The following GTF2F1 variants were observed in gnomAD, a reference collection of about 807,000 sequenced individuals.
GTF2F1 encodes the protein general transcription factor IIF subunit 1.
GTF2F1 carries 39 observed loss-of-function variants against 63.5 expected under a neutral mutation model. The ratio of observed to expected loss-of-function variants is 0.61; its 90% CI spans 0.48 to 0.80. The LOEUF is 0.80. Among genes scored for constraint, GTF2F1 ranks in the 30% least tolerant of loss-of-function variants. The probability of loss-of-function intolerance (pLI) is 0.00; values close to 1 mark genes in which losing one functional copy is unlikely to be tolerated. For missense variants in GTF2F1, 657 were observed against 718.3 expected, an observed-to-expected ratio of 0.91 and a Z score of 0.97; for synonymous variants, 287 against 285.3, an observed-to-expected ratio of 1.01 and a Z score of -0.06.
chr19:6,391,861 T>C (rs904391157), intron 3 of GTF2F1, 41 bp downstream of exon 3: 8 of 1,129,598 alleles, frequency 7.1e-6, no homozygotes, highest in Non-Finnish European at 9.1e-6. Flanking sequence ...TCAAGTTCTC[T>C]CACCACCCCA....
chr19:6,389,597 T>C lies in GTF2F1; in HGVS notation c.173A>G (p.Gln58Arg). 2 of 1,614,150 alleles carry C rather than the reference T, an allele frequency of 1.2e-6. No individual in the cohort carries two copies. ...ERDLSNKKIY[Q>R]EEEMPESGAG... ...GCCCGATTCGGGCATCTCCTCCTCTTGGTAGATTTTCTTGTTGCTCAAGTC... is the reference window on the plus strand; with the variant it reads ...GCCCGATTCGGGCATCTCCTCCTCTCGGTAGATTTTCTTGTTGCTCAAGTC... Residue 58 changes from glutamine (Q) to arginine (R), a missense_variant, in exon 4 of 13, where the codon CAA (glutamine) becomes CGA (arginine). By Grantham distance (43) the Gln-to-Arg change is conservative. Coordinates refer to ENST00000394456, the MANE Select transcript of GTF2F1 (RefSeq NM_002096.3).
Position 6,380,193 on chromosome 19 carries a change from T to C in GTF2F1, c.*88A>G, listed in dbSNP as rs138224011. The C allele has an allele frequency of 2.2e-4, 240 of 1,088,250 alleles. 1 individual carries two copies. The African/African-American group carries it at 3.3e-3, about 15-fold the overall frequency. The allele number at this position is 1,088,250 out of a possible 1,614,324, so 67.4% of individuals were successfully genotyped here. On this transcript the variant is annotated 3_prime_UTR_variant, in exon 13 of 13. Coordinates refer to ENST00000394456, the MANE Select transcript of GTF2F1 (RefSeq NM_002096.3). This position sits in a 1 kb window ranked among gnomAD's most constrained non-coding sequence, Gnocchi z 5.3. ...CCTGAAGTTCTGGAGGGCAGAGCCA[T>C]GTATTGGACAGAGCCTCACTCTAGG...
rs576535549 is a variant in GTF2F1 at position 6,387,270 on chromosome 19, G to A, written c.497+119C>T. On this transcript the variant is annotated intron_variant, in intron 5 of 12. Coordinates refer to ENST00000394456, the MANE Select transcript of GTF2F1 (RefSeq NM_002096.3). ...ACTGACAGCTCTGAGACGGCCGAGT[G>A]GGGTCTGCCCTGGTTACCCCTGAGT... 92 of 922,338 alleles carry A rather than the reference G, an allele frequency of 1.0e-4. No homozygotes were observed. The African/African-American group carries it at 1.3e-3, about 13-fold the overall frequency. 57.1% of individuals were successfully genotyped at this position (922,338 alleles called of 1,614,324 possible).
In GTF2F1 at chr19:6,387,412, C is replaced by T. The variant is rs769352060; in HGVS notation, c.474G>A (p.Glu158=). 1.2e-6 allele frequency: 2 copies of T among 1,614,118 alleles called. No homozygotes were observed. The highest frequency in any genetic ancestry group is 1.3e-5 in the African/African-American group (1 of 74,958). ...ACCTCTCCCACTCCTCCTCGGCCTC[C>T]TCGGCAGTGAGCGTGCGATGCCGGG... ...PLARHRTLTA[E]EAEEEWERRN... The change falls in exon 5 of 13, where the codon GAG becomes GAA. Residue 158 remains glutamate, a synonymous_variant. Transcript: ENST00000394456.
In GTF2F1 at chr19:6,389,439, C is replaced by T. The variant is rs2091987474; in HGVS notation, c.326+5G>A. 6.2e-7 allele frequency: 1 copy of T among 1,612,724 alleles called. No individual in the cohort carries two copies. The highest frequency in any genetic ancestry group is 1.7e-5 in the Admixed American group (1 of 59,974). ...AGCCGGCACCGCCACCGCCCCACCA[C>T]TTACTTCCTGCCTGATTTGCCGTTG... On this transcript the variant is annotated splice_donor_5th_base_variant and intron_variant, in intron 4 of 12. Transcript: ENST00000394456.
At position 6,387,532 on chromosome 19, in the gene GTF2F1, T is replaced by TA. The variant is rs771818350; in HGVS notation, c.353dup (p.Thr119AsnfsTer73). 2.7e-5 allele frequency: 43 copies of TA among 1,614,092 alleles called. No individual in the cohort carries two copies. The highest frequency in any genetic ancestry group is 3.6e-5 in the Non-Finnish European group (42 of 1,180,032). ...AGATGTAGTAGGACGTGTTCTCTGT[T>TA]ACGCCTCCCTTCTTGATGCCCTTGA... On this transcript the variant is annotated frameshift_variant, in exon 5 of 13. Transcript: ENST00000394456. LOFTEE classifies it high-confidence loss of function.
chr19:6,389,698 T>A, intron 3 of GTF2F1, 61 bp from the exon 4 acceptor site: 2 of 1,483,686 alleles, frequency 1.3e-6, no homozygotes, highest in Non-Finnish European at 1.9e-6. Flanking sequence ...AGTGCCCCCC[T>A]CCAGGAACGC....
At chr19:6,386,819 A>T (rs1234275679) in intron 5 of GTF2F1, 1 of 152,928 alleles carries the variant, frequency 6.5e-6, no homozygotes, top group Non-Finnish European at 1.5e-5. Flanking sequence ...TGCAAATGCC[A>T]TTTGTAGATG....
Position 6,380,581 on chromosome 19 carries a change from G to A in GTF2F1, c.1341C>T (p.Pro447=). Residue 447 remains proline, a synonymous_variant, in exon 12 of 13, where the codon CCC becomes CCT. Coordinates refer to ENST00000394456, the MANE Select transcript of GTF2F1 (RefSeq NM_002096.3). This position sits in a 1 kb window ranked among gnomAD's most constrained non-coding sequence, Gnocchi z 5.3. The part of the protein sequence containing the change: ...TPQPPSGKTT[P]NSGDVQVTED... ...TGTCCTCGTCAACTTACCCGCTGTT[G>A]GGTGTTGTCTTGCCTGATGGTGGCT... The A allele has an allele frequency of 3.1e-6, 5 of 1,613,942 alleles. No homozygotes were observed. The highest frequency in any genetic ancestry group is 4.2e-6 in the Non-Finnish European group (5 of 1,179,888).
At chr19:6,389,733 T>A in intron 3 of GTF2F1, 96 bp from the exon 4 acceptor site, 2 of 1,135,352 alleles carry the variant, frequency 1.8e-6, no homozygotes, top group Non-Finnish European at 2.5e-6. Context: ...GGCCAAGCTC[T>A]AGATTCTCAA....
At chr19:6,384,489 CAG>C (rs1278434765) in intron 5 of GTF2F1, among the ~76,000 whole-genome samples, 4 of 146,888 alleles carry the variant, frequency 2.7e-5, no homozygotes. Context: ...GCCTCGGTGA[CAG>C]AGTAAGAATC....
At chr19:6,384,588 C>G (rs1183095615) in intron 5 of GTF2F1, among the ~76,000 whole-genome samples, 1 of 151,604 alleles carries the variant, frequency 6.6e-6, no homozygotes, top group Non-Finnish European at 1.5e-5. Flanking sequence ...GATAATGAAA[C>G]TGCTGCTTAA....
intron 5 of GTF2F1, among the ~76,000 whole-genome samples, chr19:6,384,947 C>T (rs2091968519): frequency 6.6e-6 from 1 of 151,972 alleles, no homozygotes; most frequent in African/African-American, 2.4e-5. Context: ...CCATGCCTGG[C>T]TAATTTCTGT....
chr19:6,392,319 G>A, intron 2 of GTF2F1: 1 of 483,826 alleles, frequency 2.1e-6, no homozygotes, highest in Non-Finnish European at 4.1e-6. Flanking sequence ...AAGAAGAGCA[G>A]ATGGAGGGAC....
At chr19:6,389,660 C>T (rs757468150) in intron 3 of GTF2F1, 23 bp from the exon 4 acceptor site, 1 of 1,606,850 alleles carries the variant, frequency 6.2e-7, no homozygotes, top group South Asian at 1.1e-5. Flanking sequence ...GAAGCAAAGC[C>T]TCTCAGGGTC....
intron 4 of GTF2F1, among the ~76,000 whole-genome samples, chr19:6,388,017 C>T (rs983814085): frequency 2.0e-5 from 3 of 150,080 alleles, no homozygotes; most frequent in African/African-American, 7.3e-5. Flanking sequence ...GCAACCTCCA[C>T]CTCCCGGGTT....
rs200022650 is a variant in GTF2F1 at position 6,381,804 on chromosome 19, G to A, written c.729C>T (p.Gly243=). ...KAKKKAPLAK[G]GRKKKKKKGS... is the part of the protein sequence containing the mutation. ...CCTTCTTCTTCTTCTTTTTCCTGCC[G>A]CCCTTGGCCAGCGGCGCCTTCTTCT... is the stretch of plus-strand genomic sequence containing the variant. Residue 243 remains glycine, a synonymous_variant, in exon 7 of 13, where the codon GGC becomes GGT. Coordinates refer to ENST00000394456, the MANE Select transcript of GTF2F1 (RefSeq NM_002096.3). The surrounding 1 kb of genome is among the most constrained non-coding windows in gnomAD (Gnocchi z 4.1). 8.3e-5 allele frequency: 134 copies of A among 1,613,708 alleles called. No homozygotes were observed. The highest frequency in any genetic ancestry group is 5.3e-4 in the East Asian group (24 of 44,880).
Position 6,389,583 on chromosome 19 carries a change from G to T in GTF2F1, c.187C>A (p.Pro63Thr), listed in dbSNP as rs1488689433. ...AACTCACTGCCCGCGCCCGATTCGG[G>T]CATCTCCTCCTCTTGGTAGATTTTC... ...NKKIYQEEEM[P>T]ESGAGSEFNR... The change falls in exon 4 of 13, where the codon CCC (proline) becomes ACC (threonine). Residue 63 changes from proline (P) to threonine (T), a missense_variant. Coordinates refer to ENST00000394456, the MANE Select transcript of GTF2F1 (RefSeq NM_002096.3). 6.2e-7 allele frequency: 1 copy of T among 1,614,044 alleles called. No individual in the cohort carries two copies. Among genetic ancestry groups the T allele is most frequent in the Non-Finnish European group, 8.5e-7 (1 of 1,180,044 alleles).
chr19:6,380,217 G>T lies in GTF2F1; in HGVS notation c.*64C>A. On this transcript the variant is annotated 3_prime_UTR_variant, in exon 13 of 13. Coordinates refer to ENST00000394456, the MANE Select transcript of GTF2F1 (RefSeq NM_002096.3). This position sits in a 1 kb window ranked among gnomAD's most constrained non-coding sequence, Gnocchi z 5.3. ...ATGTATTGGACAGAGCCTCACTCTA[G>T]GATGGCGAAGGGGCAGTGAGAGCCT... 7.5e-7 allele frequency: 1 copy of T among 1,338,680 alleles called. No homozygotes were observed. Among genetic ancestry groups the T allele is most frequent in the Non-Finnish European group, 1.1e-6 (1 of 928,724 alleles). The allele number at this position is 1,338,680 out of a possible 1,614,324, so 82.9% of individuals were successfully genotyped here.
Sources: allele counts gnomAD v4.1 joint callset (sites outside exome capture counted in the v4.1 genomes callset), GRCh38; gene constraint gnomAD v4.1.1; non-coding constraint Gnocchi (gnomAD v3.1); transcripts MANE v1.5; gene names NCBI Gene and HGNC (gene_info 2026-07-23, HGNC 2026-07-21).